The following USP48 variants were observed in gnomAD, a reference collection of about 807,000 sequenced individuals.
The protein encoded by USP48 is ubiquitin carboxyl-terminal hydrolase 48.
USP48 carries 43 observed loss-of-function variants against 150.7 expected under a neutral mutation model. The observed-to-expected ratio is 0.29, with a 90% CI of 0.22 to 0.37. The LOEUF (loss-of-function observed/expected upper bound fraction) is 0.37, where lower values mean the gene tolerates loss of function less well. Among genes scored for constraint, USP48 ranks in the 10% least tolerant of loss-of-function variants. USP48 has a pLI of 1.00. For missense variants in USP48, 813 were observed against 1,249.6 expected, an observed-to-expected ratio of 0.65 and a Z score of 5.27; for synonymous variants, 396 against 425.9, an observed-to-expected ratio of 0.93 and a Z score of 0.86.
chr1:21,728,698 T>C lies in USP48; in HGVS notation c.1322A>G (p.Asp441Gly). 6.2e-7 allele frequency: 1 copy of C among 1,614,024 alleles called. No homozygotes were observed. Among genetic ancestry groups the C allele is most frequent in the Non-Finnish European group, 8.5e-7 (1 of 1,179,996 alleles). ...CTCCTCAAATTTGGAATTATCCCGA[T>C]CTACCAGCTCTTGAAGAAAGGCTAT... ...QVPAFLQELV[D>G]RDNSKFEEWC... is the part of the protein sequence containing the mutation. Residue 441 changes from aspartate (D) to glycine (G), a missense_variant, in exon 11 of 27, where the codon GAT becomes GGT. Transcript: ENST00000308271.
At chr1:21,734,343 G>T (rs2097763885) in intron 9 of USP48, among the ~76,000 whole-genome samples, 1 of 152,110 alleles carries the variant, frequency 6.6e-6, no homozygotes, top group Admixed American at 6.6e-5. Context: ...AGGCTGCAGT[G>T]AGCCATGTTC....
intron 25 of USP48, among the ~76,000 whole-genome samples, chr1:21,682,524 C>T (rs2097568762): frequency 6.6e-6 from 1 of 151,644 alleles, no homozygotes; most frequent in African/African-American, 2.4e-5. Flanking sequence ...ATATCTTGGT[C>T]CCAGGCTCTC....
intron 22 of USP48, among the ~76,000 whole-genome samples, chr1:21,700,736 C>T (rs140210100): frequency 6.8e-4 from 104 of 152,320 alleles, no homozygotes; most frequent in African/African-American, 2.4e-3. Flanking sequence ...TGAAACTTAT[C>T]TCCACCTACA....
At position 21,729,857 on chromosome 1, in the gene USP48, CCTTAA is replaced by C. The variant is rs745759774; in HGVS notation, c.1172-30_1172-26del. The C allele has an allele frequency of 6.9e-5, 111 of 1,613,570 alleles. No homozygotes were observed. In the Middle Eastern group the frequency reaches 8.2e-4, roughly 12 times the overall value. On this transcript the variant is annotated intron_variant, in intron 9 of 26. Coordinates refer to ENST00000308271, the MANE Select transcript of USP48 (RefSeq NM_032236.8). Reference sequence around the variant, plus strand: ...GCTGAGATAGAGAAATCAAAAGGTACCTTAACTTAAGTGCCTAGAGTTTGTTTATT... The same window carrying C: ...GCTGAGATAGAGAAATCAAAAGGTACCTTAAGTGCCTAGAGTTTGTTTATT...
rs1280316604 is a variant in USP48, at chr1:21,736,470, G to T, written c.1147C>A (p.Gln383Lys). The stretch of plus-strand genomic sequence containing the variant: ...CCTAGATCTTCCTCAATCCCTAGTT[G>T]TAATTTCTTCCCCTCCATCTTTTCT... ...DIEKMEGKKLQLGIEEDLAEP... is the reference protein window; with the variant it reads ...DIEKMEGKKLKLGIEEDLAEP... The change falls in exon 9 of 27, where the codon CAA (glutamine) becomes AAA (lysine). Residue 383 changes from glutamine to lysine, a missense_variant. By Grantham distance (53) the Gln-to-Lys change is moderately conservative (BLOSUM62 1). Transcript: ENST00000308271. 1.9e-6 allele frequency: 3 copies of T among 1,611,254 alleles called. No individual in the cohort carries two copies. The highest frequency in any genetic ancestry group is 2.5e-6 in the Non-Finnish European group (3 of 1,179,002).
chr1:21,760,030 C>CT (rs2097846304), intron 1 of USP48, among the ~76,000 whole-genome samples: 1 of 152,194 alleles, frequency 6.6e-6, no homozygotes, highest in Admixed American at 6.5e-5. Context: ...AGTAATGAAT[C>CT]TAATTGACAC....
intron 22 of USP48, among the ~76,000 whole-genome samples, chr1:21,700,139 T>C (rs1439828693): frequency 6.6e-6 from 1 of 151,778 alleles, no homozygotes; most frequent in Non-Finnish European, 1.5e-5. Context: ...GGGCATCACT[T>C]ACTATAGAAA....
intron 8 of USP48, among the ~76,000 whole-genome samples, chr1:21,743,372 G>A (rs1023960233): frequency 6.6e-6 from 1 of 152,136 alleles, no homozygotes; most frequent in African/African-American, 2.4e-5. Context: ...AGACATTGCA[G>A]GGTCTGGGAG....
At chr1:21,706,982 C>T in intron 15 of USP48, 114 bp from the exon 16 acceptor site, 1 of 1,223,954 alleles carries the variant, frequency 8.2e-7, no homozygotes, top group Non-Finnish European at 1.1e-6. Context: ...TCTTGCTTTG[C>T]TAAAGTTTGG....
At chr1:21,757,809 T>G (rs768343699) in intron 1 of USP48, 26 bp from the exon 2 acceptor site, 1 of 1,571,140 alleles carries the variant, frequency 6.4e-7, no homozygotes, top group African/African-American at 1.4e-5. Flanking sequence ...AAACCTTTAA[T>G]TTTTAAAAGA....
intron 1 of USP48, among the ~76,000 whole-genome samples, chr1:21,770,730 C>A (rs2097877545): frequency 6.6e-6 from 1 of 151,818 alleles, no homozygotes; most frequent in South Asian, 2.1e-4. Context: ...GATCCGCCTG[C>A]ATCGGCCTCC....
At chr1:21,687,952 T>C (rs961349868) in intron 24 of USP48, among the ~76,000 whole-genome samples, 5 of 152,054 alleles carry the variant, frequency 3.3e-5, no homozygotes, top group Non-Finnish European at 7.4e-5. Flanking sequence ...ATGAGGGGTG[T>C]GTGTGCATGG....
At chr1:21,730,562 C>T (rs975869242) in intron 9 of USP48, among the ~76,000 whole-genome samples, 7 of 151,182 alleles carry the variant, frequency 4.6e-5, no homozygotes, top group Non-Finnish European at 4.4e-5. Context: ...GGCATGTTGG[C>T]ACATGCCTGT....
At chr1:21,719,206 G>A (rs560974647) in intron 14 of USP48, among the ~76,000 whole-genome samples, 3 of 149,800 alleles carry the variant, frequency 2.0e-5, no homozygotes, top group Admixed American at 2.0e-4. Context: ...GACGGGGGGC[G>A]GGGGGGCAGA....
At chr1:21,688,518 G>T (rs547986522) in intron 24 of USP48, among the ~76,000 whole-genome samples, 5 of 151,528 alleles carry the variant, frequency 3.3e-5, no homozygotes, top group African/African-American at 1.2e-4. Context: ...TGCGCCCAGT[G>T]AAAGTAGGGG....
rs369570679 is a variant in USP48, at chr1:21,719,380, T to A, written c.1894+1656A>T. Among the ~76,000 whole-genome samples, 216 of 151,718 alleles carry A rather than the reference T, an allele frequency of 1.4e-3. 2 individuals are homozygous for A. The highest frequency in any genetic ancestry group is 4.8e-3 in the African/African-American group (197 of 41,404). ...CACAGCTCAAAGAGTTTAAAACTAA[T>A]ACTGGGTTGGTTTTCCCAAAAAGTA... On this transcript the variant is annotated intron_variant, in intron 14 of 26. Coordinates refer to ENST00000308271, the MANE Select transcript of USP48 (RefSeq NM_032236.8).
At chr1:21,686,177 C>T (rs2097579880) in intron 25 of USP48, 1 of 152,140 alleles carries the variant, frequency 6.6e-6, no homozygotes, top group Non-Finnish European at 1.5e-5. Context: ...ATGCTTTTTA[C>T]TTATTTATCT....
chr1:21,688,556 ACTGAGGC>A (rs1199831130), intron 24 of USP48, among the ~76,000 whole-genome samples: 1 of 151,362 alleles, frequency 6.6e-6, no homozygotes, highest in Non-Finnish European at 1.5e-5. Context: ...AAGAAAAGTC[ACTGAGGC>A]CTGGCGCAGT....
At chr1:21,705,877 C>T in intron 18 of USP48, 40 bp from the exon 19 acceptor site, 1 of 1,453,068 alleles carries the variant, frequency 6.9e-7, no homozygotes, top group Non-Finnish European at 9.4e-7. Flanking sequence ...TACCTAATTA[C>T]TGCATGACGA....
Sources: allele counts gnomAD v4.1 joint callset (sites outside exome capture counted in the v4.1 genomes callset), GRCh38; gene constraint gnomAD v4.1.1; transcripts MANE v1.5; gene names NCBI Gene and HGNC (gene_info 2026-07-23, HGNC 2026-07-21).